Variants in TRIM29 observed in about 807,000 individuals in gnomAD.
The protein encoded by TRIM29 is tripartite motif-containing protein 29.
Under a neutral mutation model 57.3 loss-of-function variants are expected in TRIM29, and 52 were observed. The observed-to-expected ratio is 0.91, with a 90% CI of 0.73 to 1.14. TRIM29 has a LOEUF of 1.14. Ranked by LOEUF, TRIM29 falls within the 50% of genes most tolerant of loss-of-function variation. The probability of loss-of-function intolerance (pLI) is 0.00; values close to 1 mark genes in which losing one functional copy is unlikely to be tolerated. For synonymous variants in TRIM29, 319 were observed against 316.9 expected (o/e 1.01, Z -0.07); for missense variants, 753 against 774.6 (o/e 0.97, Z 0.33).
intron 7 of TRIM29, chr11:120,116,914 C>A (rs1187775720): frequency 2.7e-6 from 1 of 367,916 alleles, no homozygotes; most frequent in Non-Finnish European, 5.5e-6. Context: ...CCCACCTGCC[C>A]CGCTGTGGGA....
intron 7 of TRIM29, chr11:120,116,441 C>T (rs1863271436): frequency 6.6e-6 from 1 of 152,422 alleles, no homozygotes; most frequent in African/African-American, 2.4e-5. Flanking sequence ...TGCATGCGGT[C>T]TGTCTCGGGA....
rs764286822 is a variant in TRIM29 at position 120,123,146 on chromosome 11, A to G, written c.1334-91T>C. 2.9e-6 allele frequency: 3 copies of G among 1,033,878 alleles called. No individual in the cohort carries two copies. The East Asian group carries it at 7.1e-5, about 25-fold the overall frequency. The allele number at this position is 1,033,878 out of a possible 1,614,324, so 64.0% of individuals were successfully genotyped here. The stretch of plus-strand genomic sequence containing the variant: ...TTTTGGGGCTCAGATGAGTCACCCC[A>G]TAGCCCTTCCCCTATCTCCCAGGCA... On this transcript the variant is annotated intron_variant, in intron 4 of 8. Coordinates refer to ENST00000341846, the MANE Select transcript of TRIM29 (RefSeq NM_012101.4).
At chr11:120,122,163 T>TGTGAGA (rs780959243) in intron 5 of TRIM29, among the ~76,000 whole-genome samples, 583 of 148,966 alleles carry the variant, frequency 3.9e-3, no homozygotes, top group Non-Finnish European at 6.7e-3. Context: ...TGTGTGTGTG[T>TGTGAGA]GAAAGACGTG....
intron 6 of TRIM29, among the ~76,000 whole-genome samples, chr11:120,120,178 G>C (rs936462110): frequency 8.3e-6 from 1 of 120,682 alleles, no homozygotes; most frequent in Non-Finnish European, 1.9e-5. Flanking sequence ...CTTGTGGGGG[G>C]GGTGGCGCAT....
intron 8 of TRIM29, chr11:120,113,710 C>T (rs941611908): frequency 3.1e-5 from 14 of 456,028 alleles, no homozygotes; most frequent in Admixed American, 7.1e-5. Flanking sequence ...CAGCTACTTA[C>T]TGGCAAAGCA....
At position 120,122,868 on chromosome 11, in the gene TRIM29, A is replaced by G. The variant is rs60137137; in HGVS notation, c.1435+86T>C. 9,588 of 1,074,362 alleles carry G rather than the reference A, an allele frequency of 8.9e-3. 586 individuals are homozygous for G. The African/African-American group carries it at 0.13, about 15-fold the overall frequency. The allele number at this position is 1,074,362 out of a possible 1,614,324, so 66.6% of individuals were successfully genotyped here. On this transcript the variant is annotated intron_variant, in intron 5 of 8. Coordinates refer to ENST00000341846, the MANE Select transcript of TRIM29 (RefSeq NM_012101.4). ...ATGCCATCACCCCCACTCAGAAGGA[A>G]CCTGGCTGAGAGTCACTGCACGGAC...
chr11:120,115,313 G>C (rs1235809715), intron 8 of TRIM29, 25 bp downstream of exon 8: 1 of 1,608,486 alleles, frequency 6.2e-7, no homozygotes, highest in Non-Finnish European at 8.5e-7. Flanking sequence ...ATGTGCCCAG[G>C]CCCTCCCGGC....
intron 8 of TRIM29, among the ~76,000 whole-genome samples, chr11:120,113,232 G>T (rs1079002): frequency 0.022 from 3,374 of 152,270 alleles, 67 homozygotes; most frequent in Non-Finnish European, 0.036. Flanking sequence ...GGTACAGGGA[G>T]CATCTCTGGA....
At chr11:120,136,847 G>GAGA (rs991647010) in intron 1 of TRIM29, among the ~76,000 whole-genome samples, 1 of 152,024 alleles carries the variant, frequency 6.6e-6, no homozygotes, top group Non-Finnish European at 1.5e-5. Context: ...GAGGGAGAAG[G>GAGA]AGAAGAAGAA....
chr11:120,122,131 A>AGTGTGTGTGTGTGTGTGTGTGTGTGTGT (rs72245071), intron 5 of TRIM29: 1 of 202,016 alleles, frequency 5.0e-6, no homozygotes, highest in Non-Finnish European at 1.1e-5. Flanking sequence ...TGTGTGTGTG[A>AGTGTGTGTGTGTGTGTGTGTGTGTGTGT]GTGTGTGTGT....
intron 1 of TRIM29, among the ~76,000 whole-genome samples, chr11:120,134,745 G>C (rs1013613351): frequency 6.6e-6 from 1 of 152,142 alleles, no homozygotes; most frequent in African/African-American, 2.4e-5. Flanking sequence ...ATCCCCTTGG[G>C]GCCCTTTCCC....
chr11:120,112,482 G>C lies in TRIM29; in HGVS notation c.1705-6C>G. 6.2e-7 allele frequency: 1 copy of C among 1,613,672 alleles called. No individual in the cohort carries two copies. The highest frequency in any genetic ancestry group is 1.1e-5 in the South Asian group (1 of 91,058). On this transcript the variant is annotated splice_region_variant and splice_polypyrimidine_tract_variant and intron_variant, in intron 8 of 8. Transcript: ENST00000341846. ...TAGAATGGCCGGTAGTGAGACTGTG[G>C]GGGAAACAAGAGTGGTCAGCGAGGC...
Position 120,127,531 on chromosome 11 carries a change from G to A in TRIM29, c.939C>T (p.Asn313=). Residue 313 remains asparagine, a synonymous_variant, in exon 3 of 9, where the codon AAC becomes AAT. Transcript: ENST00000341846. ...CCAGGTCCCGCACCAGGTCCCGGAA[G>A]TTCTGCTCCAGGATGGCCTTCTCAT... is the stretch of plus-strand genomic sequence containing the variant. ...TTNEKAILEQ[N]FRDLVRDLEK... 1 of 1,614,196 alleles carries A rather than the reference G, an allele frequency of 6.2e-7. No individual in the cohort carries two copies. Among genetic ancestry groups the A allele is most frequent in the Non-Finnish European group, 8.5e-7 (1 of 1,180,028 alleles).
intron 1 of TRIM29, among the ~76,000 whole-genome samples, chr11:120,131,042 A>G (rs1863712519): frequency 6.6e-6 from 1 of 152,114 alleles, no homozygotes; most frequent in Non-Finnish European, 1.5e-5. Flanking sequence ...AGATTGGAGG[A>G]CACTGGTGGA....
In TRIM29 at chr11:120,120,684, G is replaced by T; in HGVS notation, c.1436-19C>A. ...ACCCCACCTGTGAAGCAGATGAAGG[G>T]GGCTGTCATTGCAGAAAATTGTCTC... On this transcript the variant is annotated intron_variant, in intron 5 of 8. Transcript: ENST00000341846. 2 of 1,612,034 alleles carry T rather than the reference G, an allele frequency of 1.2e-6. No homozygotes were observed. The highest frequency in any genetic ancestry group is 2.2e-5 in the East Asian group (1 of 44,830).
In TRIM29 at chr11:120,123,339, A is replaced by C. The variant is rs1368797039; in HGVS notation, c.1334-284T>G. 40 of 615,122 alleles carry C rather than the reference A, an allele frequency of 6.5e-5. No homozygotes were observed. In the Admixed American group the frequency reaches 8.5e-4, roughly 13 times the overall value. The allele number at this position is 615,122 out of a possible 1,614,324, so 38.1% of individuals were successfully genotyped here. ...ACACTTCCTAGCACTTCACCTTTACAAGGTGCTATTAATGCCCATTTCTTA... is the reference window on the plus strand; with the variant it reads ...ACACTTCCTAGCACTTCACCTTTACCAGGTGCTATTAATGCCCATTTCTTA... On this transcript the variant is annotated intron_variant, in intron 4 of 8. Transcript: ENST00000341846.
At chr11:120,121,615 AT>A in intron 5 of TRIM29, 1 of 175,182 alleles carries the variant, frequency 5.7e-6, no homozygotes. Context: ...GTCTCCCAGC[AT>A]GTGAGCACAA....
intron 1 of TRIM29, among the ~76,000 whole-genome samples, chr11:120,136,566 C>G (rs1018974507): frequency 6.6e-6 from 1 of 152,104 alleles, no homozygotes; most frequent in African/African-American, 2.4e-5. Flanking sequence ...AACACAGGGC[C>G]CAGCTGGGAG....
At chr11:120,118,164 G>A in intron 7 of TRIM29, 59 bp downstream of exon 7, 1 of 1,457,702 alleles carries the variant, frequency 6.9e-7, no homozygotes, top group Non-Finnish European at 9.6e-7. Context: ...ACCCAAGCAG[G>A]GCTTGGGAGG....
Sources: allele counts gnomAD v4.1 joint callset (sites outside exome capture counted in the v4.1 genomes callset), GRCh38; gene constraint gnomAD v4.1.1; transcripts MANE v1.5; gene names NCBI Gene and HGNC (gene_info 2026-07-23, HGNC 2026-07-21).